SCAI: variants seen among roughly 807,000 people sequenced by gnomAD.
SCAI encodes the protein suppressor of cancer cell invasion.
In SCAI, 24 loss-of-function variants were observed where a neutral mutation model predicts 92.2. The observed-to-expected ratio is 0.26, with a 90% CI of 0.19 to 0.37. The LOEUF is 0.37. Among genes scored for constraint, SCAI ranks in the 10% least tolerant of loss-of-function variants. The pLI is 1.00. For missense variants in SCAI, 450 were observed against 736.2 expected, an observed-to-expected ratio of 0.61 and a Z score of 4.50; for synonymous variants, 261 against 258.6, an observed-to-expected ratio of 1.01 and a Z score of -0.09.
intron 17 of SCAI, among the ~76,000 whole-genome samples, chr9:124,967,375 C>A (rs1831562326): frequency 6.6e-6 from 1 of 152,178 alleles, no homozygotes; most frequent in Non-Finnish European, 1.5e-5. Context: ...GATGGGAAAG[C>A]AGAGGCTCAG....
At chr9:125,042,279 T>C (rs1330345088) in intron 3 of SCAI, among the ~76,000 whole-genome samples, 2 of 152,172 alleles carry the variant, frequency 1.3e-5, no homozygotes, top group African/African-American at 2.4e-5. Context: ...CAGGAGACTA[T>C]GGTAGGAAGA....
rs1834010043 is a variant in SCAI at position 125,073,092 on chromosome 9, A to ATATTTTTT, written c.99-17086_99-17085insAAAAAATA. On this transcript the variant is annotated intron_variant, in intron 2 of 17. Coordinates refer to ENST00000336505, the MANE Select transcript of SCAI (RefSeq NM_001144877.3). ...GGATCATATGAGGATTCTATTTTTAATTTTTTTTTTTTTTTTTTTTTTTTT... is the reference window on the plus strand; with the variant it reads ...GGATCATATGAGGATTCTATTTTTAATATTTTTTTTTTTTTTTTTTTTTTTTTTTTTTT... 2.5e-4 allele frequency among the ~76,000 whole-genome samples: 18 copies of ATATTTTTT among 72,478 alleles called. 2 individuals are homozygous for ATATTTTTT. In the South Asian group the frequency reaches 9.1e-3, roughly 37 times the overall value. The allele number at this position is 72,478 out of a possible 152,430, so 47.5% of individuals were successfully genotyped here. A position where few individuals can be genotyped will look rare whatever the true frequency, so the allele number is the denominator to read the frequency against.
intron 2 of SCAI, among the ~76,000 whole-genome samples, chr9:125,067,775 A>G (rs1292185077): frequency 6.6e-6 from 1 of 152,248 alleles, no homozygotes; most frequent in Non-Finnish European, 1.5e-5. Flanking sequence ...ACATAGATAC[A>G]TAATACATCG....
chr9:125,094,624 C>T (rs1423020296), intron 2 of SCAI, among the ~76,000 whole-genome samples: 1 of 152,134 alleles, frequency 6.6e-6, no homozygotes, highest in Non-Finnish European at 1.5e-5. Flanking sequence ...GCCTCAGCTC[C>T]CCAAGTAGCT....
chr9:125,142,911 T>A (rs1835702604), intron 1 of SCAI, among the ~76,000 whole-genome samples: 1 of 149,734 alleles, frequency 6.7e-6, no homozygotes, highest in African/African-American at 2.5e-5. Flanking sequence ...TCCTGGTCCC[T>A]CACCCCATCC....
At chr9:125,021,480 C>T (rs1489204209) in intron 6 of SCAI, among the ~76,000 whole-genome samples, 1 of 152,112 alleles carries the variant, frequency 6.6e-6, no homozygotes, top group Non-Finnish European at 1.5e-5. Flanking sequence ...AGTTATACTA[C>T]TTCTTTGTTA....
intron 2 of SCAI, among the ~76,000 whole-genome samples, chr9:125,080,080 T>A (rs1747633028): frequency 6.6e-6 from 1 of 152,044 alleles, no homozygotes; most frequent in Admixed American, 6.6e-5. Flanking sequence ...GTTCCTTGGA[T>A]CCTTAGTCAC....
intron 14 of SCAI, 50 bp from the exon 15 acceptor site, chr9:124,976,236 A>G (rs1467863665): frequency 7.9e-7 from 1 of 1,269,422 alleles, no homozygotes; most frequent in South Asian, 1.2e-5. Flanking sequence ...GACCAAAGAT[A>G]GTTACTTAGT....
At position 124,971,680 on chromosome 9, in the gene SCAI, G is replaced by A. The variant is rs921772007; in HGVS notation, c.1564C>T (p.Arg522Cys). The change falls in exon 16 of 18, where the codon CGT (arginine) becomes TGT (cysteine). Residue 522 changes from arginine to cysteine, a missense_variant. Physicochemically the swap from Arg to Cys is radical, Grantham distance 180 (BLOSUM62 -3). This residue lies in a region of SCAI where 360 missense variants were observed against 601.8 expected (regional missense o/e 0.60). Coordinates refer to ENST00000336505, the MANE Select transcript of SCAI (RefSeq NM_001144877.3). ...TAGATTAGGAGGGTACCTATTGAAC[G>A]TGAATGAGTCAGTAGCTGGGCAATA... ...RDIAQLLTHS[R>C]SIDQAFLQFF... is the part of the protein sequence containing the mutation. The A allele has an allele frequency of 6.9e-6, 11 of 1,603,336 alleles. No individual in the cohort carries two copies. Among genetic ancestry groups the A allele is most frequent in the Admixed American group, 3.5e-5 (2 of 57,200 alleles).
intron 9 of SCAI, among the ~76,000 whole-genome samples, chr9:125,018,523 T>C (rs1366481513): frequency 1.3e-5 from 2 of 152,256 alleles, no homozygotes; most frequent in Non-Finnish European, 2.9e-5. Flanking sequence ...TGCATACATA[T>C]AGACATTCTA....
intron 2 of SCAI, among the ~76,000 whole-genome samples, chr9:125,087,708 T>A (rs558672116): frequency 6.6e-6 from 1 of 152,266 alleles, no homozygotes. Context: ...TTATGTGAAA[T>A]CTCATTAAAA....
intron 2 of SCAI, among the ~76,000 whole-genome samples, chr9:125,064,821 G>C (rs1833843915): frequency 6.6e-6 from 1 of 152,134 alleles, no homozygotes; most frequent in Admixed American, 6.5e-5. Flanking sequence ...ATTCTAGCCT[G>C]GGCGACAGAG....
At chr9:125,010,388 A>C (rs1588149839) in intron 9 of SCAI, among the ~76,000 whole-genome samples, 1 of 152,216 alleles carries the variant, frequency 6.6e-6, no homozygotes, top group African/African-American at 2.4e-5. Flanking sequence ...TATCCCGCAC[A>C]TGGCTTGGAG....
chr9:124,987,102 G>A (rs879268937), intron 14 of SCAI, among the ~76,000 whole-genome samples: 6 of 152,024 alleles, frequency 3.9e-5, no homozygotes, highest in African/African-American at 9.7e-5. Context: ...GTGCGATCTC[G>A]GCTCACTGCC....
Position 125,003,155 on chromosome 9 carries a change from T to C in SCAI, c.1024A>G (p.Thr342Ala). The C allele has an allele frequency of 6.2e-7, 1 of 1,613,962 alleles. No homozygotes were observed. The highest frequency in any genetic ancestry group is 2.2e-5 in the East Asian group (1 of 44,864). Residue 342 changes from threonine to alanine, a missense_variant, in exon 11 of 18, where the codon ACC becomes GCC. Around this residue, in one of 3 missense-constraint regions of SCAI, gnomAD observed 360 missense variants for 601.8 expected, o/e 0.60. Coordinates refer to ENST00000336505, the MANE Select transcript of SCAI (RefSeq NM_001144877.3). The stretch of plus-strand genomic sequence containing the variant: ...AAGAAGGTATATAGCTGGCTGAAGG[T>C]TGGTTTGTAGAGCAGATACTTGTGG... ...NPHKYLLYKP[T>A]FSQLYTFLAA...
intron 9 of SCAI, among the ~76,000 whole-genome samples, chr9:125,003,842 T>C (rs1032417219): frequency 2.6e-5 from 4 of 152,174 alleles, no homozygotes; most frequent in African/African-American, 4.8e-5. Flanking sequence ...TGTTTACTAA[T>C]CAATAAACTT....
At chr9:125,016,387 CAATAAATAAATA>C (rs77877356) in intron 9 of SCAI, among the ~76,000 whole-genome samples, 210 of 131,656 alleles carry the variant, frequency 1.6e-3, no homozygotes, top group African/African-American at 4.9e-3. Context: ...GACTCTGTCT[CAATAAATAAATA>C]AATAAATAAA....
chr9:125,098,014 T>A (rs569871932), intron 2 of SCAI, among the ~76,000 whole-genome samples: 1 of 151,440 alleles, frequency 6.6e-6, no homozygotes, highest in Non-Finnish European at 1.5e-5. Context: ...TGTGTGTGTG[T>A]GTATATATAT....
At chr9:125,045,513 T>A (rs1348375874) in intron 3 of SCAI, among the ~76,000 whole-genome samples, 1 of 152,210 alleles carries the variant, frequency 6.6e-6, no homozygotes, top group Non-Finnish European at 1.5e-5. Context: ...CTATATTTTT[T>A]ATTTTGTAGA....
Sources: gnomAD v4.1 joint callset for allele counts (sites outside exome capture counted in the v4.1 genomes callset) on GRCh38, gnomAD v4.1.1 for gene constraint, gnomAD v4.1.1 regional missense constraint, MANE v1.5 for transcripts, NCBI Gene and HGNC (gene_info 2026-07-23, HGNC 2026-07-21) for gene names.